Variants in PPM1E observed in about 807,000 individuals in gnomAD.
PPM1E encodes protein phosphatase 1E.
PPM1E carries 20 observed loss-of-function variants against 65.9 expected under a neutral mutation model. That is an observed-to-expected ratio of 0.30 (90% CI 0.21 to 0.44). PPM1E has a LOEUF of 0.44. Ranked by LOEUF, PPM1E falls within the 20% of genes least tolerant of loss-of-function variation. PPM1E has a pLI of 1.00. For missense variants in PPM1E, 713 were observed against 953.1 expected, an observed-to-expected ratio of 0.75 and a Z score of 3.32; for synonymous variants, 352 against 374.9, an observed-to-expected ratio of 0.94 and a Z score of 0.70.
intron 1 of PPM1E, among the ~76,000 whole-genome samples, chr17:58,954,486 T>G (rs768175530): frequency 1.3e-5 from 2 of 152,216 alleles, no homozygotes; most frequent in Non-Finnish European, 2.9e-5. Context: ...GGTCTTTGTC[T>G]GTTCCTCTGA....
At chr17:58,940,125 G>A (rs1305196426) in intron 1 of PPM1E, among the ~76,000 whole-genome samples, 1 of 152,100 alleles carries the variant, frequency 6.6e-6, no homozygotes, top group East Asian at 1.9e-4. Context: ...AAAACTTTCT[G>A]TATCAGGATC....
In PPM1E at chr17:58,758,300, G is replaced by A. The variant is rs1004925259; in HGVS notation, c.464+1839G>A. Among the ~76,000 whole-genome samples, 7 of 152,206 alleles carry A rather than the reference G, an allele frequency of 4.6e-5. No homozygotes were observed. The East Asian group carries it at 1.4e-3, about 29-fold the overall frequency. Reference sequence around the variant, plus strand: ...AATCCCAGCTCTTTGGGAGGCCGGGGTGGCAGATCATGAGGTCAGGAGTTC... The same window carrying A: ...AATCCCAGCTCTTTGGGAGGCCGGGATGGCAGATCATGAGGTCAGGAGTTC... On this transcript the variant is annotated intron_variant, in intron 1 of 6. Coordinates refer to ENST00000308249, the MANE Select transcript of PPM1E (RefSeq NM_014906.5).
intron 1 of PPM1E, among the ~76,000 whole-genome samples, chr17:58,926,233 C>T (rs1446143612): frequency 6.6e-6 from 1 of 151,462 alleles, no homozygotes; most frequent in African/African-American, 2.4e-5. Context: ...CCCAGCTACT[C>T]GGGAGGCTGA....
chr17:58,761,424 T>C (rs923247797), intron 1 of PPM1E, among the ~76,000 whole-genome samples: 2 of 152,160 alleles, frequency 1.3e-5, no homozygotes, highest in African/African-American at 4.8e-5. Context: ...AATCCAAAGG[T>C]AAGGGCTTAT....
chr17:58,825,506 G>GT (rs374648195), intron 1 of PPM1E, among the ~76,000 whole-genome samples: 273 of 146,818 alleles, frequency 1.9e-3, no homozygotes, highest in South Asian at 9.4e-3. Flanking sequence ...TAACATTGGT[G>GT]TTTTTTTTTT....
intron 1 of PPM1E, among the ~76,000 whole-genome samples, chr17:58,927,777 G>A (rs930708712): frequency 6.6e-6 from 1 of 151,984 alleles, no homozygotes; most frequent in Non-Finnish European, 1.5e-5. Context: ...TTAGCCAGGC[G>A]GCCGGGCCCG....
In PPM1E at chr17:58,969,518, G is replaced by A. The variant is rs201038947; in HGVS notation, c.784-21G>A. The A allele has an allele frequency of 1.9e-3, 3,140 of 1,613,384 alleles. 37 individuals are homozygous for A. Among genetic ancestry groups the A allele is most frequent in the South Asian group, 0.017 (1,541 of 91,070 alleles). On this transcript the variant is annotated intron_variant, in intron 3 of 6. Coordinates refer to ENST00000308249, the MANE Select transcript of PPM1E (RefSeq NM_014906.5). ...CATGCTATACCCAACTCCCATAACT[G>A]TTCTGTGTTTCTGTTGACAGGACCA...
intron 1 of PPM1E, among the ~76,000 whole-genome samples, chr17:58,937,055 G>A (rs933526102): frequency 1.3e-5 from 2 of 151,862 alleles, no homozygotes; most frequent in Non-Finnish European, 2.9e-5. Flanking sequence ...CCAGCACTTT[G>A]GGAGGCCGAG....
chr17:58,963,179 G>C (rs2030094142), intron 2 of PPM1E, among the ~76,000 whole-genome samples: 2 of 151,686 alleles, frequency 1.3e-5, no homozygotes, highest in South Asian at 4.2e-4. Flanking sequence ...GAGGTCAGGA[G>C]TTCGAGACCA....
chr17:58,900,571 C>G (rs2051486777), intron 1 of PPM1E, among the ~76,000 whole-genome samples: 1 of 152,084 alleles, frequency 6.6e-6, no homozygotes, highest in South Asian at 2.1e-4. Context: ...TTTATATGCC[C>G]TGGGAAACAA....
intron 2 of PPM1E, 92 bp from the exon 3 acceptor site, chr17:58,965,602 C>A: frequency 8.1e-7 from 1 of 1,230,408 alleles, no homozygotes; most frequent in Non-Finnish European, 1.2e-6. Context: ...AGGAACTTGA[C>A]TAAGGTGACC....
chr17:58,926,612 ATG>A (rs2051826881), intron 1 of PPM1E, among the ~76,000 whole-genome samples: 1 of 152,142 alleles, frequency 6.6e-6, no homozygotes, highest in African/African-American at 2.4e-5. Context: ...ATTATTTTCC[ATG>A]TGTGTGTTCA....
At chr17:58,756,667 TCGGCCCCCAC>T (rs2049769872) in intron 1 of PPM1E, among the ~76,000 whole-genome samples, 1 of 77,592 alleles carries the variant, frequency 1.3e-5, no homozygotes, top group Non-Finnish European at 2.8e-5. Flanking sequence ...CACGCCCGCC[TCGGCCCCCAC>T]GCCTCCTACC....
intron 1 of PPM1E, among the ~76,000 whole-genome samples, chr17:58,953,435 T>A (rs551533196): frequency 1.8e-4 from 27 of 152,270 alleles, no homozygotes; most frequent in African/African-American, 6.5e-4. Flanking sequence ...CCAGCTCTTT[T>A]TAATTTAATA....
At chr17:58,870,800 A>G (rs746614492) in intron 1 of PPM1E, among the ~76,000 whole-genome samples, 49 of 152,028 alleles carry the variant, frequency 3.2e-4, no homozygotes, top group Non-Finnish European at 6.8e-4. Context: ...CTAGTGGTGG[A>G]TCTCTTCTTC....
intron 1 of PPM1E, among the ~76,000 whole-genome samples, chr17:58,892,020 G>A (rs1168324864): frequency 1.3e-5 from 2 of 151,756 alleles, no homozygotes; most frequent in Admixed American, 1.3e-4. Flanking sequence ...ATTTTTAGTA[G>A]AGACAGCATT....
At chr17:58,956,443 A>G (rs1027425102) in intron 2 of PPM1E, among the ~76,000 whole-genome samples, 3 of 124,010 alleles carry the variant, frequency 2.4e-5, no homozygotes, top group Non-Finnish European at 5.4e-5. Context: ...CTCAAAAAAA[A>G]ACAAAAAACA....
At chr17:58,839,530 C>T (rs2050696490) in intron 1 of PPM1E, among the ~76,000 whole-genome samples, 1 of 152,088 alleles carries the variant, frequency 6.6e-6, no homozygotes, top group Non-Finnish European at 1.5e-5. Context: ...TACAAGAGTA[C>T]TTACTCAAGT....
rs9893163 is a variant in PPM1E at position 58,797,634 on chromosome 17, G to A, written c.464+41173G>A. Among the ~76,000 whole-genome samples, 148 of 152,198 alleles carry A rather than the reference G, an allele frequency of 9.7e-4. 1 individual carries two copies. Among genetic ancestry groups the A allele is most frequent in the African/African-American group, 3.5e-3 (145 of 41,528 alleles). ...TTCTCCTGTTGATGGACATCTGAGC[G>A]GTTTCCATTTTTTTGGCTACTATTA... On this transcript the variant is annotated intron_variant, in intron 1 of 6. Coordinates refer to ENST00000308249, the MANE Select transcript of PPM1E (RefSeq NM_014906.5).
Sources: allele counts gnomAD v4.1 joint callset (sites outside exome capture counted in the v4.1 genomes callset), GRCh38; gene constraint gnomAD v4.1.1; transcripts MANE v1.5; gene names NCBI Gene and HGNC (gene_info 2026-07-23, HGNC 2026-07-21).